PTPRM: variants seen among roughly 807,000 people sequenced by gnomAD.
PTPRM encodes the protein protein tyrosine phosphatase receptor type M.
PTPRM carries 47 observed loss-of-function variants against 186.7 expected under a neutral mutation model. That is an observed-to-expected ratio of 0.25 (90% CI 0.20 to 0.32). PTPRM has a LOEUF of 0.32. PTPRM is among the 10% of genes least tolerant of loss of function. PTPRM has a pLI of 1.00. For missense variants in PTPRM, 1,494 were observed against 1,865.0 expected, an observed-to-expected ratio of 0.80 and a Z score of 3.66; for synonymous variants, 668 against 674.9, an observed-to-expected ratio of 0.99 and a Z score of 0.16.
intron 22 of PTPRM, among the ~76,000 whole-genome samples, chr18:8,319,848 G>A (rs930697688): frequency 6.6e-6 from 1 of 152,208 alleles, no homozygotes; most frequent in Admixed American, 6.5e-5. Context: ...CTCCCAGGTG[G>A]AAAGCAGCTG....
intron 1 of PTPRM, among the ~76,000 whole-genome samples, chr18:7,604,741 T>A (rs2037488255): frequency 6.6e-6 from 1 of 152,216 alleles, no homozygotes; most frequent in East Asian, 1.9e-4. Flanking sequence ...TTCTGAAAGA[T>A]GTCTGGGAGC....
intron 7 of PTPRM, among the ~76,000 whole-genome samples, chr18:7,983,707 C>A (rs1244252978): frequency 6.6e-6 from 1 of 152,098 alleles, no homozygotes; most frequent in Non-Finnish European, 1.5e-5. Context: ...TTTCTACTTG[C>A]AACATATTTG....
chr18:7,773,667 C>T (rs1238527523), intron 1 of PTPRM, among the ~76,000 whole-genome samples: 1 of 151,272 alleles, frequency 6.6e-6, no homozygotes, highest in Non-Finnish European at 1.5e-5. Flanking sequence ...CTCACTGCAA[C>T]CTCCGCCTCT....
intron 7 of PTPRM, among the ~76,000 whole-genome samples, chr18:8,066,098 T>G (rs2089052151): frequency 6.6e-6 from 1 of 152,188 alleles, no homozygotes; most frequent in African/African-American, 2.4e-5. Context: ...GTAATTATTA[T>G]AAATCCATTT....
In PTPRM at chr18:8,033,023, C is replaced by T. The variant is rs567860473; in HGVS notation, c.1133-36663C>T. ...CTCAGTATGATCTCAAAATTCAAAA[C>T]CATTAAATAAAAGATTGATGAATTT... On this transcript the variant is annotated intron_variant, in intron 7 of 32. Transcript: ENST00000580170. Among the ~76,000 whole-genome samples the T allele has an allele frequency of 5.9e-5, 9 of 152,012 alleles. No individual in the cohort carries two copies. The South Asian group carries it at 1.9e-3, about 32-fold the overall frequency.
intron 7 of PTPRM, among the ~76,000 whole-genome samples, chr18:8,006,476 A>G (rs1028259216): frequency 1.3e-5 from 2 of 152,182 alleles, no homozygotes; most frequent in African/African-American, 4.8e-5. Context: ...ACTTTGTGAG[A>G]AAATACTTGC....
chr18:7,894,136 G>A (rs1483848861), intron 3 of PTPRM, among the ~76,000 whole-genome samples: 1 of 152,156 alleles, frequency 6.6e-6, no homozygotes, highest in African/African-American at 2.4e-5. Flanking sequence ...GGAGATGCCT[G>A]TTGTAGTCTG....
chr18:7,685,470 C>G (rs1354927497), intron 1 of PTPRM, among the ~76,000 whole-genome samples: 1 of 152,148 alleles, frequency 6.6e-6, no homozygotes, highest in Non-Finnish European at 1.5e-5. Context: ...TATCCAGACT[C>G]TTAATGTGTA....
chr18:8,220,049 T>C (rs1052459877), intron 14 of PTPRM, among the ~76,000 whole-genome samples: 1 of 152,186 alleles, frequency 6.6e-6, no homozygotes, highest in African/African-American at 2.4e-5. Flanking sequence ...AAGATTTTTC[T>C]GAGTTCCTCT....
chr18:8,014,579 A>G (rs2084742399), intron 7 of PTPRM, among the ~76,000 whole-genome samples: 1 of 152,230 alleles, frequency 6.6e-6, no homozygotes, highest in South Asian at 2.1e-4. Flanking sequence ...TTACTGCTAA[A>G]TGAAATGTAA....
intron 14 of PTPRM, among the ~76,000 whole-genome samples, chr18:8,165,783 C>A (rs977800944): frequency 1.3e-5 from 2 of 152,198 alleles, no homozygotes; most frequent in Non-Finnish European, 2.9e-5. Flanking sequence ...ATGTGCCCAG[C>A]ATTCTGGAAG....
chr18:7,842,947 T>TATAGAGAGAGAGAGAGAGAGAGAGAG (rs370746043), intron 2 of PTPRM, among the ~76,000 whole-genome samples: 3 of 112,132 alleles, frequency 2.7e-5, no homozygotes, highest in Admixed American at 9.2e-5. Context: ...TATATATATA[T>TATAGAGAGAGAGAGAGAGAGAGAGAG]AGAGAGAGAG....
chr18:7,810,180 T>C (rs1383776601), intron 2 of PTPRM, among the ~76,000 whole-genome samples: 2 of 152,168 alleles, frequency 1.3e-5, no homozygotes, highest in East Asian at 1.9e-4. Flanking sequence ...CCCCACCACC[T>C]TTCTCGAGCT....
intron 4 of PTPRM, among the ~76,000 whole-genome samples, chr18:7,925,583 G>A (rs1177895005): frequency 6.6e-6 from 1 of 152,082 alleles, no homozygotes; most frequent in Non-Finnish European, 1.5e-5. Flanking sequence ...TTTGCAGTGG[G>A]GAAAAGCTGG....
intron 2 of PTPRM, among the ~76,000 whole-genome samples, chr18:7,811,493 G>A (rs2044512674): frequency 6.6e-6 from 1 of 152,118 alleles, no homozygotes; most frequent in Admixed American, 6.6e-5. Context: ...AAGTATCTGG[G>A]AATACTGGCA....
chr18:7,633,531 C>T (rs563328535), intron 1 of PTPRM, among the ~76,000 whole-genome samples: 15 of 152,086 alleles, frequency 9.9e-5, no homozygotes, highest in Non-Finnish European at 1.9e-4. Context: ...ACTCTCCCAC[C>T]TTCCCTTCAC....
intron 1 of PTPRM, among the ~76,000 whole-genome samples, chr18:7,764,550 A>G (rs2041931201): frequency 6.6e-6 from 1 of 152,200 alleles, no homozygotes; most frequent in Non-Finnish European, 1.5e-5. Context: ...GATCCAGAAC[A>G]GTGATTACCA....
At chr18:7,941,191 C>T (rs895508693) in intron 5 of PTPRM, among the ~76,000 whole-genome samples, 1 of 152,156 alleles carries the variant, frequency 6.6e-6, no homozygotes, top group Non-Finnish European at 1.5e-5. Context: ...TCTTCAGTTC[C>T]CTAACTGTGG....
rs571972263 is a variant in PTPRM at position 7,975,538 on chromosome 18, G to C, written c.1132+20124G>C. On this transcript the variant is annotated intron_variant, in intron 7 of 32. Transcript: ENST00000580170. Reference sequence around the variant, plus strand: ...ACTGTATAATTTCAACTACGGTAAGGTTCCACATAACAGTCTTTCAGTCTA... The same window carrying C: ...ACTGTATAATTTCAACTACGGTAAGCTTCCACATAACAGTCTTTCAGTCTA... Among the ~76,000 whole-genome samples, 236 of 152,288 alleles carry C rather than the reference G, an allele frequency of 1.5e-3. 2 individuals carry two copies. Among genetic ancestry groups the C allele is most frequent in the South Asian group, 0.014 (68 of 4,818 alleles).
Sources: allele counts gnomAD v4.1 joint callset (sites outside exome capture counted in the v4.1 genomes callset), GRCh38; gene constraint gnomAD v4.1.1; transcripts MANE v1.5; gene names NCBI Gene and HGNC (gene_info 2026-07-23, HGNC 2026-07-21).